The following NOXRED1 variants were observed in gnomAD, a reference collection of about 807,000 sequenced individuals.
NOXRED1 encodes the protein NADP dependent oxidoreductase domain containing 1.
A neutral mutation model predicts 30.4 loss-of-function variants in NOXRED1; 20 were observed. The ratio of observed to expected loss-of-function variants is 0.66; its 90% CI spans 0.46 to 0.96. The LOEUF (loss-of-function observed/expected upper bound fraction) is 0.96, where lower values mean the gene tolerates loss of function less well. Among genes scored for constraint, NOXRED1 ranks in the 40% least tolerant of loss-of-function variants. The pLI, the probability that NOXRED1 is intolerant of heterozygous loss-of-function variation, is 0.00. For missense variants in NOXRED1, 374 were observed against 428.0 expected, an observed-to-expected ratio of 0.87 and a Z score of 1.11; for synonymous variants, 155 against 168.0, an observed-to-expected ratio of 0.92 and a Z score of 0.60.
chr14:77,404,609 T>C (rs749611544), intron 5 of NOXRED1, among the ~76,000 whole-genome samples: 5 of 151,786 alleles, frequency 3.3e-5, no homozygotes, highest in African/African-American at 7.3e-5. Flanking sequence ...GAACAAAGTA[T>C]AGAATGAAAA....
intron 2 of NOXRED1, among the ~76,000 whole-genome samples, chr14:77,409,653 A>C (rs1428572130): frequency 6.6e-6 from 1 of 152,150 alleles, no homozygotes; most frequent in East Asian, 1.9e-4. Context: ...GCTGATGTTG[A>C]GCATTTTGAA....
At chr14:77,421,175 T>C (rs1894984184) in intron 1 of NOXRED1, among the ~76,000 whole-genome samples, 1 of 152,206 alleles carries the variant, frequency 6.6e-6, no homozygotes, top group Admixed American at 6.5e-5. Context: ...GAGGCTGGCT[T>C]GAGGAAAGGG....
In NOXRED1 at chr14:77,422,798, C is replaced by A. The variant is rs761422368; in HGVS notation, c.92G>T (p.Arg31Leu). The A allele has an allele frequency of 1.2e-6, 2 of 1,614,024 alleles. No homozygotes were observed. The highest frequency in any genetic ancestry group is 1.3e-5 in the African/African-American group (1 of 74,924). Residue 31 changes from arginine (R) to leucine (L), a missense_variant, in exon 1 of 6, where the codon CGG (arginine) becomes CTG (leucine). By Grantham distance (102) the Arg-to-Leu change is moderately radical. Transcript: ENST00000380835. ...GGCACAAGCCTCGATCATCAGTCCC[C>A]GAGAACGGCCCTGCAAATACAGCCA... Reference protein sequence around the residue: ...RIWLYLQGRSRGLMIEACAHA... With the variant: ...RIWLYLQGRSLGLMIEACAHA...
upstream of NOXRED1, among the ~76,000 whole-genome samples, chr14:77,425,389 G>C (rs1895098692): frequency 6.6e-6 from 1 of 152,164 alleles, no homozygotes; most frequent in African/African-American, 2.4e-5. Context: ...GATTAGATTA[G>C]ATTAGATTAG....
rs569901796 is a variant in NOXRED1 at position 77,422,335 on chromosome 14, TA to T, written c.155+399del. On this transcript the variant is annotated intron_variant, in intron 1 of 5. Coordinates refer to ENST00000380835, the MANE Select transcript of NOXRED1 (RefSeq NM_001113475.3). The stretch of plus-strand genomic sequence containing the variant: ...CTGTGAAGTCCCGGGTAGCTTCCTG[TA>T]AGGGAGCATTCCACTATTACCTCAG... Among the ~76,000 whole-genome samples, 516 of 152,266 alleles carry T rather than the reference TA, an allele frequency of 3.4e-3. 10 individuals carry two copies. Among genetic ancestry groups the T allele is most frequent in the Non-Finnish European group, 4.0e-3 (269 of 68,024 alleles).
At chr14:77,420,189 A>G (rs901093521) in intron 1 of NOXRED1, among the ~76,000 whole-genome samples, 11 of 152,050 alleles carry the variant, frequency 7.2e-5, no homozygotes, top group Admixed American at 5.9e-4. Context: ...TGATTTCATA[A>G]TTTCAAATAA....
At chr14:77,425,024 C>T (rs1410491162), upstream of NOXRED1, among the ~76,000 whole-genome samples, 5 of 152,140 alleles carry the variant, frequency 3.3e-5, no homozygotes, top group Non-Finnish European at 5.9e-5. Context: ...ACTCCTGGGC[C>T]AGGTGTTTTT....
At chr14:77,421,683 G>A (rs976291342) in intron 1 of NOXRED1, among the ~76,000 whole-genome samples, 1 of 152,206 alleles carries the variant, frequency 6.6e-6, no homozygotes, top group African/African-American at 2.4e-5. Context: ...GGTGCTGGAT[G>A]TGTTTCCTTG....
chr14:77,418,700 T>G (rs2139700114), intron 1 of NOXRED1, among the ~76,000 whole-genome samples: 1 of 144,650 alleles, frequency 6.9e-6, no homozygotes, highest in South Asian at 2.2e-4. Context: ...CAGCTAATTG[T>G]TTTTTTTTTT....
chr14:77,411,111 G>A (rs1209083032), intron 2 of NOXRED1, among the ~76,000 whole-genome samples: 1 of 152,124 alleles, frequency 6.6e-6, no homozygotes, highest in Non-Finnish European at 1.5e-5. Context: ...TAAATAAACT[G>A]TGGAATAATC....
At chr14:77,412,704 G>C (rs528821092) in intron 2 of NOXRED1, among the ~76,000 whole-genome samples, 3 of 152,056 alleles carry the variant, frequency 2.0e-5, no homozygotes, top group African/African-American at 7.2e-5. Context: ...GTAGAGACTG[G>C]GTTTCACCAT....
chr14:77,417,869 G>A (rs1392480635), intron 1 of NOXRED1, among the ~76,000 whole-genome samples: 1 of 147,574 alleles, frequency 6.8e-6, no homozygotes, highest in Non-Finnish European at 1.5e-5. Context: ...CTCTCTTGCT[G>A]CCTTCTTTTG....
rs78384485 is a variant in NOXRED1 at position 77,394,159 on chromosome 14, C to T, written c.*472G>A. The T allele has an allele frequency of 0.019, 2,962 of 152,748 alleles. 88 individuals are homozygous for T. Among genetic ancestry groups the T allele is most frequent in the African/African-American group, 0.067 (2,783 of 41,508 alleles). The allele number at this position is 152,748 out of a possible 1,614,324, so 9.5% of individuals were successfully genotyped here. A position where few individuals can be genotyped will look rare whatever the true frequency, so the allele number is the denominator to read the frequency against. ...TAGTCAAAATAAGCATGATACAAGC[C>T]ATAATTCAATTAAGATGGTTTACCA... On this transcript the variant is annotated 3_prime_UTR_variant, in exon 6 of 6. Coordinates refer to ENST00000380835, the MANE Select transcript of NOXRED1 (RefSeq NM_001113475.3).
chr14:77,396,374 C>T (rs1894186965), intron 5 of NOXRED1, among the ~76,000 whole-genome samples: 1 of 151,534 alleles, frequency 6.6e-6, no homozygotes, highest in South Asian at 2.1e-4. Context: ...CTCAGCCTCC[C>T]AAGTAGCTGG....
At chr14:77,422,273 A>G (rs1895016381) in intron 1 of NOXRED1, among the ~76,000 whole-genome samples, 1 of 152,206 alleles carries the variant, frequency 6.6e-6, no homozygotes, top group South Asian at 2.1e-4. Flanking sequence ...TCTGCAAATC[A>G]ATATTCCTGG....
chr14:77,397,389 T>C (rs1168059567), intron 5 of NOXRED1, among the ~76,000 whole-genome samples: 1 of 152,230 alleles, frequency 6.6e-6, no homozygotes, highest in Non-Finnish European at 1.5e-5. Flanking sequence ...TTTGCAGCTG[T>C]GAGGAGGCAA....
intron 5 of NOXRED1, among the ~76,000 whole-genome samples, chr14:77,405,651 A>G (rs1894437870): frequency 6.6e-6 from 1 of 152,250 alleles, no homozygotes; most frequent in Non-Finnish European, 1.5e-5. Context: ...ATATATAGGA[A>G]TAGATATGCA....
At chr14:77,425,964 G>A (rs1426195005), upstream of NOXRED1, among the ~76,000 whole-genome samples, 2 of 152,244 alleles carry the variant, frequency 1.3e-5, no homozygotes, top group African/African-American at 2.4e-5. Context: ...GGTGGCACGT[G>A]CCTGTAGTCC....
At position 77,406,795 on chromosome 14, in the gene NOXRED1, G is replaced by GC. The variant is rs1167522574; in HGVS notation, c.610dup (p.Ala204GlyfsTer3). ...GAGAGCAGCTATGACTCCCTTATTG[G>GC]CCCCCCAGACGCTGACAGAATCTTC... On this transcript the variant is annotated frameshift_variant, in exon 4 of 6. Transcript: ENST00000380835. LOFTEE classifies it high-confidence loss of function. 9 of 1,613,712 alleles carry GC rather than the reference G, an allele frequency of 5.6e-6. No homozygotes were observed. Among genetic ancestry groups the GC allele is most frequent in the Admixed American group, 1.7e-5 (1 of 60,018 alleles).
Sources: allele counts gnomAD v4.1 joint callset (sites outside exome capture counted in the v4.1 genomes callset), GRCh38; gene constraint gnomAD v4.1.1; transcripts MANE v1.5; gene names NCBI Gene and HGNC (gene_info 2026-07-23, HGNC 2026-07-21).